TSEN15: variants seen among roughly 807,000 people sequenced by gnomAD.
TSEN15 encodes the protein tRNA-splicing endonuclease subunit Sen15.
A neutral mutation model predicts 20.5 loss-of-function variants in TSEN15; 10 were observed. The observed-to-expected ratio is 0.49, with a 90% CI of 0.30 to 0.83. TSEN15 has a LOEUF of 0.83. TSEN15 is among the 40% of genes least tolerant of loss of function. The pLI is 0.06. For synonymous variants in TSEN15, 72 were observed against 80.1 expected (o/e 0.90, Z 0.54); for missense variants, 180 against 218.6 (o/e 0.82, Z 1.11).
intron 3 of TSEN15, among the ~76,000 whole-genome samples, chr1:184,088,093 G>A (rs531600032): frequency 6.6e-6 from 1 of 152,310 alleles, no homozygotes; most frequent in Non-Finnish European, 1.5e-5. Flanking sequence ...AGAATCAGCT[G>A]AGGAAGAAAG....
intron 3 of TSEN15, among the ~76,000 whole-genome samples, chr1:184,066,942 C>T (rs1340410132): frequency 6.6e-6 from 1 of 152,090 alleles, no homozygotes; most frequent in Non-Finnish European, 1.5e-5. Flanking sequence ...TGATTTCTTT[C>T]ATCAGAGTTT....
intron 3 of TSEN15, among the ~76,000 whole-genome samples, chr1:184,082,784 T>C (rs899550959): frequency 2.6e-5 from 4 of 152,116 alleles, no homozygotes; most frequent in African/African-American, 7.2e-5. Flanking sequence ...TCTAAACATA[T>C]TGTTTTTGCC....
At chr1:184,077,307 G>A (rs1016074580), downstream of TSEN15, among the ~76,000 whole-genome samples, 1 of 152,102 alleles carries the variant, frequency 6.6e-6, no homozygotes, top group African/African-American at 2.4e-5. Context: ...AAGCACATCT[G>A]TTTACAGCAT....
At chr1:184,051,962 CTT>C in intron 1 of TSEN15, 72 bp downstream of exon 1, 6 of 1,326,896 alleles carry the variant, frequency 4.5e-6, no homozygotes, top group Admixed American at 3.3e-5. Context: ...AGGCAGCTCT[CTT>C]TCTTTCTTCC....
downstream of TSEN15, among the ~76,000 whole-genome samples, chr1:184,078,081 A>G (rs1195736396): frequency 6.6e-6 from 1 of 152,112 alleles, no homozygotes; most frequent in Non-Finnish European, 1.5e-5. Context: ...GGAGGAGTCA[A>G]TGATTTTGGC....
exon 4 of TSEN15, chr1:184,096,740 A>G (rs1274974173): frequency 6.5e-6 from 1 of 153,292 alleles, no homozygotes; most frequent in Non-Finnish European, 1.5e-5. Flanking sequence ...GGAGCAAGTC[A>G]CATCTTATAT....
Position 184,095,855 on chromosome 1 carries a change from G to C in TSEN15, c.*51G>C, listed in dbSNP as rs1651440528. ...TTCTGTTGTTTAAGCCACCTGGTCTGTGGTATTTTGTTATGACAGGCCTAG... is the reference window on the plus strand; with the variant it reads ...TTCTGTTGTTTAAGCCACCTGGTCTCTGGTATTTTGTTATGACAGGCCTAG... On this transcript the variant is annotated 3_prime_UTR_variant, in exon 4 of 4. Coordinates refer to the TSEN15 transcript ENST00000643231. 7.5e-6 allele frequency: 3 copies of C among 397,986 alleles called. No individual in the cohort carries two copies. The South Asian group carries it at 3.8e-4, about 51-fold the overall frequency. 24.7% of individuals were successfully genotyped at this position (397,986 alleles called of 1,614,324 possible). A position where few individuals can be genotyped will look rare whatever the true frequency, so the allele number is the denominator to read the frequency against.
At chr1:184,055,077 A>G in intron 3 of TSEN15, 1 of 495,308 alleles carries the variant, frequency 2.0e-6, no homozygotes, top group Non-Finnish European at 3.4e-6. Flanking sequence ...CTTAAAAAAA[A>G]AAGAAGAGGT....
intron 3 of TSEN15, among the ~76,000 whole-genome samples, chr1:184,071,533 A>G (rs1266797274): frequency 2.6e-5 from 4 of 152,038 alleles, no homozygotes; most frequent in Non-Finnish European, 4.4e-5. Flanking sequence ...AGCAATTTCT[A>G]TATTTTTTAG....
chr1:184,087,963 T>G (rs1651293032), intron 3 of TSEN15, among the ~76,000 whole-genome samples: 1 of 152,208 alleles, frequency 6.6e-6, no homozygotes, highest in Admixed American at 6.5e-5. Context: ...TGGATAAATC[T>G]GGAGCTTAGG....
rs190776011 is a variant in TSEN15, at chr1:184,087,803, G to T, written c.354-7887G>T. Among the ~76,000 whole-genome samples the T allele has an allele frequency of 3.7e-3, 556 of 152,308 alleles. 3 individuals carry two copies. Among genetic ancestry groups the T allele is most frequent in the South Asian group, 4.1e-3 (20 of 4,828 alleles). On this transcript the variant is annotated intron_variant, in intron 3 of 3. Transcript: ENST00000643231. ...TCCAAGGCTTCTGGCTTGGGTCATT[G>T]TGAGGAAAATTGTAAGAAAAGGAAA...
chr1:184,067,941 A>AT (rs1553220588), intron 3 of TSEN15, among the ~76,000 whole-genome samples: 1,631 of 95,556 alleles, frequency 0.017, 33 homozygotes, highest in Admixed American at 0.038. Context: ...AAAAAAAAAA[A>AT]ATATATATAT....
intron 3 of TSEN15, among the ~76,000 whole-genome samples, chr1:184,060,398 C>T (rs965365580): frequency 6.6e-6 from 1 of 152,242 alleles, no homozygotes; most frequent in African/African-American, 2.4e-5. Flanking sequence ...GTGCAAAGCA[C>T]AATCTGCATA....
In TSEN15 at chr1:184,072,866, CTTG is replaced by C; in HGVS notation, c.*22_*24del. 1 of 1,600,842 alleles carries C rather than the reference CTTG, an allele frequency of 6.2e-7. No homozygotes were observed. The highest frequency in any genetic ancestry group is 1.7e-5 in the Admixed American group (1 of 57,466). On this transcript the variant is annotated 3_prime_UTR_variant, in exon 5 of 5. Coordinates refer to ENST00000645668, the MANE Select transcript of TSEN15 (RefSeq NM_052965.4). ...AAGATGACATCCATGTTTCCTGATG[CTTG>C]TTTTATTCATACAAGATTGGATTTG...
intron 4 of TSEN15, 82 bp downstream of exon 4, chr1:184,072,380 A>G: frequency 2.3e-6 from 3 of 1,299,428 alleles, no homozygotes; most frequent in Non-Finnish European, 3.1e-6. Context: ...CAAGTCAGTC[A>G]CAGAACTGCC....
rs545689959 is a variant in TSEN15 at position 184,054,929 on chromosome 1, G to A, written c.353+66G>A. 2.3e-4 allele frequency: 352 copies of A among 1,506,540 alleles called. 6 individuals are homozygous for A. The South Asian group carries it at 4.4e-3, about 19-fold the overall frequency. The allele number at this position is 1,506,540 out of a possible 1,614,324, so 93.3% of individuals were successfully genotyped here. A position where few individuals can be genotyped will look rare whatever the true frequency, so the allele number is the denominator to read the frequency against. On this transcript the variant is annotated intron_variant, in intron 3 of 4. Coordinates refer to ENST00000645668, the MANE Select transcript of TSEN15 (RefSeq NM_052965.4). The stretch of plus-strand genomic sequence containing the variant: ...AGCAGTAGGAAACATTAAACATAGT[G>A]ATGTAATACTTTTAATGAAATTTGG...
intron 3 of TSEN15, among the ~76,000 whole-genome samples, chr1:184,090,448 G>A (rs981879923): frequency 5.3e-5 from 8 of 152,136 alleles, no homozygotes; most frequent in African/African-American, 1.9e-4. Flanking sequence ...GGCTTAAAAT[G>A]GGTGCATATT....
intron 3 of TSEN15, among the ~76,000 whole-genome samples, chr1:184,065,022 C>T (rs370884394): frequency 1.5e-4 from 23 of 152,118 alleles, no homozygotes; most frequent in African/African-American, 5.1e-4. Flanking sequence ...CTTGACATCT[C>T]CGCTGTGATC....
chr1:184,090,376 C>T (rs1005354401), intron 3 of TSEN15, among the ~76,000 whole-genome samples: 1 of 152,086 alleles, frequency 6.6e-6, no homozygotes. Flanking sequence ...TGGAAATGAT[C>T]TATATGTTGA....
Sources: allele counts gnomAD v4.1 joint callset (sites outside exome capture counted in the v4.1 genomes callset), GRCh38; gene constraint gnomAD v4.1.1; transcripts MANE v1.5; gene names NCBI Gene and HGNC (gene_info 2026-07-23, HGNC 2026-07-21).